The following KLRG1 variants were observed in gnomAD, a reference collection of about 807,000 sequenced individuals.
KLRG1 encodes killer cell lectin like receptor G1, also known as killer cell lectin-like receptor subfamily G member 1.
Under a neutral mutation model 21.8 loss-of-function variants are expected in KLRG1, and 16 were observed. The ratio of observed to expected loss-of-function variants is 0.73; its 90% CI spans 0.50 to 1.11. The LOEUF is 1.11. KLRG1 is among the 50% of genes most tolerant of loss of function. The probability of loss-of-function intolerance (pLI) is 0.00; values close to 1 mark genes in which losing one functional copy is unlikely to be tolerated. For missense variants in KLRG1, 173 were observed against 218.3 expected (o/e 0.79, Z 1.31); for synonymous variants, 69 against 75.9 (o/e 0.91, Z 0.47).
At chr12:9,106,540 C>G in the KLRG1 span, 2 of 1,598,602 alleles carry the variant, frequency 1.3e-6, no homozygotes, top group Non-Finnish European at 1.7e-6. Flanking sequence ...TCATTTCATA[C>G]TCCTTCCTCT....
At chr12:9,073,857 G>A in the KLRG1 span, among the ~76,000 whole-genome samples, 3 of 152,104 alleles carry the variant, frequency 2.0e-5, no homozygotes, top group Non-Finnish European at 4.4e-5. Context: ...TGAGGCCAAG[G>A]CGGATGGATT....
intron 1 of KLRG1, among the ~76,000 whole-genome samples, chr12:8,953,499 T>G (rs974303913): frequency 2.6e-5 from 4 of 152,240 alleles, no homozygotes; most frequent in African/African-American, 9.6e-5. Flanking sequence ...GACAGGTTTT[T>G]AATCCGGTCC....
At chr12:9,036,756 TG>T in the KLRG1 span, 1 of 378,756 alleles carries the variant, frequency 2.6e-6, no homozygotes, top group Non-Finnish European at 5.2e-6. Flanking sequence ...AAACCTTGCT[TG>T]TGATGTTAAT....
chr12:9,027,508 G>C, the KLRG1 span: 1 of 1,106,228 alleles, frequency 9.0e-7, no homozygotes. Flanking sequence ...CTCTTCTCCT[G>C]CTAAGCTTTG....
At chr12:9,206,000 A>C in the KLRG1 span, among the ~76,000 whole-genome samples, 1 of 152,126 alleles carries the variant, frequency 6.6e-6, no homozygotes, top group Non-Finnish European at 1.5e-5. Context: ...AAATCATCCA[A>C]GTTTCAGATG....
At chr12:9,105,768 A>G in the KLRG1 span, among the ~76,000 whole-genome samples, 1 of 152,222 alleles carries the variant, frequency 6.6e-6, no homozygotes, top group Admixed American at 6.5e-5. Flanking sequence ...CTATCCATGA[A>G]ATAAACATTA....
chr12:9,110,111 C>T, the KLRG1 span: 6 of 1,483,210 alleles, frequency 4.0e-6, no homozygotes, highest in East Asian at 4.5e-5. Flanking sequence ...TATGGAAACC[C>T]TAAGTTATCT....
At chr12:9,067,470 T>C in the KLRG1 span, 1 of 296,980 alleles carries the variant, frequency 3.4e-6, no homozygotes, top group Non-Finnish European at 6.4e-6. Flanking sequence ...CCTTTGGGTT[T>C]TTCATAGGGT....
intron 1 of KLRG1, among the ~76,000 whole-genome samples, chr12:8,962,717 CAA>C (rs34171622): frequency 7.4e-4 from 84 of 113,026 alleles, no homozygotes; most frequent in Admixed American, 8.9e-4. Flanking sequence ...CCCTGTTTCC[CAA>C]AAAAAAAAAA....
chr12:9,113,296 A>G, the KLRG1 span: 8 of 1,556,306 alleles, frequency 5.1e-6, no homozygotes, highest in African/African-American at 2.7e-5. Flanking sequence ...ATCTGACAGA[A>G]TACTAGATCC....
chr12:9,027,749 C>A, the KLRG1 span: 1 of 1,380,666 alleles, frequency 7.2e-7, no homozygotes, highest in Non-Finnish European at 1.0e-6. Context: ...CCATCATTAC[C>A]AAATCCATTA....
the KLRG1 span, among the ~76,000 whole-genome samples, chr12:9,201,971 C>A: frequency 6.6e-6 from 1 of 152,074 alleles, no homozygotes; most frequent in Admixed American, 6.5e-5. Context: ...CCTATATATT[C>A]ATAAAAGCAT....
intron 1 of KLRG1, among the ~76,000 whole-genome samples, chr12:8,950,830 G>A (rs1946187756): frequency 6.6e-6 from 1 of 151,964 alleles, no homozygotes; most frequent in African/African-American, 2.4e-5. Flanking sequence ...TTACAGATGA[G>A]TAAATTAAAG....
chr12:9,008,966 C>G lies in KLRG1; in HGVS notation c.358-9C>G, dbSNP rs777461941. 1.1e-5 allele frequency: 17 copies of G among 1,601,560 alleles called. No individual in the cohort carries two copies. The highest frequency in any genetic ancestry group is 1.4e-5 in the Non-Finnish European group (16 of 1,174,422). On this transcript the variant is annotated splice_polypyrimidine_tract_variant and intron_variant, in intron 3 of 4. Transcript: ENST00000356986. Reference sequence around the variant, plus strand: ...AGGTCCCTTTTTTGGTTTTCAACCTCTCCCTTAGAGCCTGCTCCAAGTTTT... The same window carrying G: ...AGGTCCCTTTTTTGGTTTTCAACCTGTCCCTTAGAGCCTGCTCCAAGTTTT...
At chr12:9,192,547 T>C in the KLRG1 span, 3 of 1,614,184 alleles carry the variant, frequency 1.9e-6, no homozygotes, top group South Asian at 3.3e-5. Context: ...AACTCTCCCA[T>C]GGCCTGTCTA....
chr12:8,955,641 C>T (rs1188870451), intron 1 of KLRG1, among the ~76,000 whole-genome samples: 2 of 151,866 alleles, frequency 1.3e-5, no homozygotes, highest in Non-Finnish European at 2.9e-5. Flanking sequence ...ATCTTTCCAC[C>T]TCAGCCTCCC....
intron 1 of KLRG1, among the ~76,000 whole-genome samples, chr12:8,970,113 C>T (rs1455986875): frequency 1.3e-5 from 2 of 152,118 alleles, no homozygotes; most frequent in East Asian, 3.8e-4. Flanking sequence ...GAGACCTTGT[C>T]TCAAAAAACA....
intron 1 of KLRG1, among the ~76,000 whole-genome samples, chr12:8,968,968 G>A (rs1946524104): frequency 6.6e-6 from 1 of 152,260 alleles, no homozygotes. Context: ...GAAATTCATA[G>A]CATTAAAATT....
intron 1 of KLRG1, among the ~76,000 whole-genome samples, chr12:8,951,141 G>A (rs893767454): frequency 8.5e-5 from 13 of 152,150 alleles, no homozygotes; most frequent in African/African-American, 2.7e-4. Flanking sequence ...CCAGGAGGGT[G>A]TGTATTTCCT....
Sources: allele counts gnomAD v4.1 joint callset (sites outside exome capture counted in the v4.1 genomes callset), GRCh38; gene constraint gnomAD v4.1.1; transcripts MANE v1.5; gene names NCBI Gene and HGNC (gene_info 2026-07-23, HGNC 2026-07-21).